The following EVL variants were observed in gnomAD, a reference collection of about 807,000 sequenced individuals.
The protein encoded by EVL is Enah/Vasp-like.
EVL carries 21 observed loss-of-function variants against 59.6 expected under a neutral mutation model. The observed-to-expected ratio is 0.35, with a 90% CI of 0.25 to 0.51. The LOEUF (loss-of-function observed/expected upper bound fraction) is 0.51, where lower values mean the gene tolerates loss of function less well. Ranked by LOEUF, EVL falls within the 20% of genes least tolerant of loss-of-function variation. The probability of loss-of-function intolerance (pLI) is 0.97; values close to 1 mark genes in which losing one functional copy is unlikely to be tolerated. For synonymous variants in EVL, 198 were observed against 203.5 expected (o/e 0.97, Z 0.23); for missense variants, 462 against 546.6 (o/e 0.85, Z 1.54).
chr14:100,143,324 C>A (rs118011265), intron 13 of EVL, among the ~76,000 whole-genome samples: 1 of 152,008 alleles, frequency 6.6e-6, no homozygotes. Context: ...CCCGGGCCCC[C>A]GGCACCTGGA....
intron 1 of EVL, among the ~76,000 whole-genome samples, chr14:99,984,763 GT>G (rs2060829700): frequency 6.6e-6 from 1 of 151,976 alleles, no homozygotes; most frequent in African/African-American, 2.4e-5. Context: ...ACAGGTGTGC[GT>G]CACCACACCC....
chr14:99,977,699 G>C (rs570593781), intron 1 of EVL, among the ~76,000 whole-genome samples: 1 of 152,132 alleles, frequency 6.6e-6, no homozygotes, highest in African/African-American at 2.4e-5. Flanking sequence ...CCCCCAAAGT[G>C]CTGGGATTAT....
intron 1 of EVL, among the ~76,000 whole-genome samples, chr14:100,051,189 G>C (rs2140247567): frequency 6.6e-6 from 1 of 152,290 alleles, no homozygotes; most frequent in African/African-American, 2.4e-5. Flanking sequence ...TTAAATTGTA[G>C]GCCATTCTGA....
At chr14:100,089,625 G>A (rs919312280) in intron 2 of EVL, among the ~76,000 whole-genome samples, 2 of 152,220 alleles carry the variant, frequency 1.3e-5, no homozygotes, top group African/African-American at 4.8e-5. Flanking sequence ...GACGCAGCTA[G>A]AACAGTACAT....
chr14:100,005,831 A>G (rs2060975323), intron 1 of EVL, among the ~76,000 whole-genome samples: 1 of 152,078 alleles, frequency 6.6e-6, no homozygotes, highest in African/African-American at 2.4e-5. Flanking sequence ...AACCAAACCC[A>G]GGCTGTCCCG....
intron 1 of EVL, among the ~76,000 whole-genome samples, chr14:100,025,466 G>A (rs2061194417): frequency 6.6e-6 from 1 of 152,136 alleles, no homozygotes; most frequent in Non-Finnish European, 1.5e-5. Flanking sequence ...ACCCTGACCT[G>A]TCTTTTTAAT....
At chr14:100,083,575 G>A (rs1356402322) in intron 1 of EVL, among the ~76,000 whole-genome samples, 2 of 152,090 alleles carry the variant, frequency 1.3e-5, no homozygotes, top group Non-Finnish European at 1.5e-5. Context: ...CCTGAATACC[G>A]TGGCAGGAGT....
chr14:99,997,225 A>G (rs546500423), intron 1 of EVL, among the ~76,000 whole-genome samples: 2 of 152,330 alleles, frequency 1.3e-5, no homozygotes, highest in East Asian at 1.9e-4. Context: ...CATTTCTTGT[A>G]TGGCTAATGT....
At chr14:100,054,049 C>CTTT (rs11302582) in intron 1 of EVL, among the ~76,000 whole-genome samples, 56 of 61,210 alleles carry the variant, frequency 9.1e-4, no homozygotes, top group East Asian at 1.4e-3. Context: ...TATTTTTGGA[C>CTTT]TTTTTTTTTT....
chr14:100,037,319 A>T (rs1031139028), intron 1 of EVL, among the ~76,000 whole-genome samples: 1 of 152,146 alleles, frequency 6.6e-6, no homozygotes, highest in Non-Finnish European at 1.5e-5. Context: ...AAGCTACATG[A>T]CATTGATTAA....
chr14:100,001,607 C>T (rs2060946725), intron 1 of EVL, among the ~76,000 whole-genome samples: 1 of 152,160 alleles, frequency 6.6e-6, no homozygotes, highest in Non-Finnish European at 1.5e-5. Context: ...TCAGATAAGG[C>T]TTTTTAAAAG....
intron 1 of EVL, 114 bp downstream of exon 1, chr14:100,065,625 A>T: frequency 1.9e-6 from 1 of 525,002 alleles, no homozygotes. Context: ...CTGATCGAGA[A>T]GTCCATGACC....
At position 100,135,922 on chromosome 14, in the gene EVL, C is replaced by T; in HGVS notation, c.918C>T (p.Ser306=). 1.2e-6 allele frequency: 2 copies of T among 1,613,976 alleles called. No individual in the cohort carries two copies. Among genetic ancestry groups the T allele is most frequent in the East Asian group, 2.2e-5 (1 of 44,882 alleles). The change falls in exon 9 of 14, where the codon TCC becomes TCT. Residue 306 remains serine, a synonymous_variant. Transcript: ENST00000392920. ...CATTTTAGGAAGATCCTAGTACCTCCCCCTCTCCGGGGACCCGAGCAGCCA... is the reference window on the plus strand; with the variant it reads ...CATTTTAGGAAGATCCTAGTACCTCTCCCTCTCCGGGGACCCGAGCAGCCA... ...DESQMEDPST[S]PSPGTRAASQ...
intron 2 of EVL, among the ~76,000 whole-genome samples, chr14:100,089,577 T>C (rs984003549): frequency 6.6e-6 from 1 of 152,210 alleles, no homozygotes; most frequent in African/African-American, 2.4e-5. Flanking sequence ...TATTTTGAAC[T>C]GAACAGTAAT....
At position 100,047,114 on chromosome 14, in the gene EVL, C is replaced by CTTTTTTTT. The variant is rs1379774654; in HGVS notation, c.6-37572_6-37571insTTTTTTTT. Among the ~76,000 whole-genome samples the CTTTTTTTT allele has an allele frequency of 2.0e-3, 191 of 95,084 alleles. 30 individuals are homozygous for CTTTTTTTT. Among genetic ancestry groups the CTTTTTTTT allele is most frequent in the Middle Eastern group, 6.8e-3 (1 of 148 alleles). The allele number at this position is 95,084 out of a possible 152,430, so 62.4% of individuals were successfully genotyped here. ...ATTTTGAGACCTTGGGCAGATCTCT[C>CTTTTTTTT]TCTCTTTTTTTTTTTTTTTTTTTTT... On this transcript the variant is annotated intron_variant, in intron 1 of 13. Coordinates refer to the EVL transcript ENST00000402714.
intron 1 of EVL, among the ~76,000 whole-genome samples, chr14:100,071,781 G>A (rs1430678597): frequency 1.3e-5 from 2 of 152,302 alleles, no homozygotes; most frequent in African/African-American, 2.4e-5. Context: ...CTGGGAGGAG[G>A]ATGCAGGCGT....
At chr14:100,112,745 C>T (rs1040661090) in intron 3 of EVL, among the ~76,000 whole-genome samples, 2 of 152,196 alleles carry the variant, frequency 1.3e-5, no homozygotes, top group South Asian at 2.1e-4. Context: ...GTCTTAAGAA[C>T]GACCCACACA....
At chr14:100,103,188 G>GT (rs57176151) in intron 3 of EVL, among the ~76,000 whole-genome samples, 9,227 of 134,454 alleles carry the variant, frequency 0.069, 599 homozygotes, top group East Asian at 0.36. Flanking sequence ...TTCCCAGAGA[G>GT]TTTTTTTTTT....
At chr14:100,062,633 T>A (rs972283732), upstream of EVL, among the ~76,000 whole-genome samples, 1 of 152,176 alleles carries the variant, frequency 6.6e-6, no homozygotes, top group African/African-American at 2.4e-5. Context: ...AATACCCCAA[T>A]TAAAAGATAG....
Sources: gnomAD v4.1 joint callset for allele counts (sites outside exome capture counted in the v4.1 genomes callset) on GRCh38, gnomAD v4.1.1 for gene constraint, MANE v1.5 for transcripts, NCBI Gene and HGNC (gene_info 2026-07-23, HGNC 2026-07-21) for gene names.